The following ZSWIM7 variants were observed in gnomAD, a reference collection of about 807,000 sequenced individuals.
The protein encoded by ZSWIM7 is zinc finger SWIM domain-containing protein 7.
In ZSWIM7, 22 loss-of-function variants were observed where a neutral mutation model predicts 21.1. The ratio of observed to expected loss-of-function variants is 1.04; its 90% CI spans 0.74 to 1.49. The LOEUF is 1.49. Ranked by LOEUF, ZSWIM7 falls within the 40% of genes most tolerant of loss-of-function variation. The pLI, the probability that ZSWIM7 is intolerant of heterozygous loss-of-function variation, is 0.00. For missense variants in ZSWIM7, 193 were observed against 168.0 expected (o/e 1.15, Z -0.82); for synonymous variants, 67 against 66.5 (o/e 1.01, Z -0.04).
At chr17:15,989,990 G>A (rs1970461666) in intron 2 of ZSWIM7, among the ~76,000 whole-genome samples, 1 of 152,104 alleles carries the variant, frequency 6.6e-6, no homozygotes, top group Admixed American at 6.6e-5. Context: ...GGAGGCCGAG[G>A]AAGGTGGCTC....
At chr17:15,982,767 C>T (rs1970370002) in intron 3 of ZSWIM7, among the ~76,000 whole-genome samples, 1 of 152,142 alleles carries the variant, frequency 6.6e-6, no homozygotes. Context: ...CCTCCCACTT[C>T]AGTCTCCTGA....
chr17:15,999,451 C>G (rs1198565926), intron 1 of ZSWIM7, 68 bp downstream of exon 1: 3 of 1,566,052 alleles, frequency 1.9e-6, no homozygotes, highest in East Asian at 2.3e-5. Context: ...TCCTGCCTCC[C>G]GGCCCGGCGG....
chr17:15,978,214 G>A (rs1232732027), intron 4 of ZSWIM7, 51 bp from the exon 5 acceptor site: 2 of 1,406,056 alleles, frequency 1.4e-6, no homozygotes, highest in South Asian at 1.2e-5. Context: ...GCCAGGGCTG[G>A]CCAGTCTAAC....
chr17:15,982,228 A>G (rs1970364332), intron 3 of ZSWIM7, among the ~76,000 whole-genome samples: 1 of 152,182 alleles, frequency 6.6e-6, no homozygotes, highest in African/African-American at 2.4e-5. Context: ...AATTTGCTGG[A>G]GAAATCCTTT....
At chr17:15,993,834 A>G (rs2151630391) in intron 1 of ZSWIM7, 56 bp from the exon 2 acceptor site, 5 of 1,363,006 alleles carry the variant, frequency 3.7e-6, no homozygotes, top group Middle Eastern at 3.7e-4. Flanking sequence ...GACCATTGAC[A>G]TAAAAATCTT....
At chr17:15,990,048 G>A (rs1212625284) in intron 2 of ZSWIM7, among the ~76,000 whole-genome samples, 4 of 152,034 alleles carry the variant, frequency 2.6e-5, no homozygotes, top group East Asian at 3.9e-4. Flanking sequence ...GTGAAACCCC[G>A]TCTCTACTAA....
At chr17:15,978,564 C>CT (rs1970307160) in intron 4 of ZSWIM7, among the ~76,000 whole-genome samples, 1 of 152,196 alleles carries the variant, frequency 6.6e-6, no homozygotes, top group Non-Finnish European at 1.5e-5. Context: ...CGCCACTGCA[C>CT]TACAGCCTGG....
rs1555593277 is a variant in ZSWIM7, at chr17:15,981,478, G to GGA, written c.202-335_202-334insTC. 8.5e-3 allele frequency among the ~76,000 whole-genome samples: 1,262 copies of GGA among 148,538 alleles called. 28 individuals are homozygous for GGA. Among genetic ancestry groups the GGA allele is most frequent in the African/African-American group, 0.029 (1,177 of 40,292 alleles). On this transcript the variant is annotated intron_variant, in intron 3 of 4. Coordinates refer to ENST00000399277, the MANE Select transcript of ZSWIM7 (RefSeq NM_001042697.2). The stretch of plus-strand genomic sequence containing the variant: ...GTAATAAGAAGGAAGTGGGGGGGGG[G>GGA]AATCTCTCATCTACATTTTATTGTG...
At chr17:15,988,132 C>G (rs920916987) in intron 2 of ZSWIM7, among the ~76,000 whole-genome samples, 1 of 151,990 alleles carries the variant, frequency 6.6e-6, no homozygotes, top group Non-Finnish European at 1.5e-5. Context: ...TATGCATATA[C>G]ATATATAGTA....
rs148198359 is a variant in ZSWIM7, at chr17:15,983,890, A to C, written c.202-2746T>G. 5.5e-4 allele frequency among the ~76,000 whole-genome samples: 83 copies of C among 152,116 alleles called. 2 individuals carry two copies. The East Asian group carries it at 0.015, about 27-fold the overall frequency. ...GCATGAACCACCACTCCCGGCCTAT[A>C]ATTCTTGGGTGTCTAAACTATTACC... On this transcript the variant is annotated intron_variant, in intron 3 of 4. Transcript: ENST00000399277.
At position 15,977,447 on chromosome 17, in the gene ZSWIM7, T is replaced by G. The variant is rs1414871986; in HGVS notation, c.*600A>C. ...AGGCGCAGTGGCTCATGCATGTAAT[T>G]CCAGCACTTTGGGAGGTCGAGGCGG... On this transcript the variant is annotated 3_prime_UTR_variant, in exon 5 of 5. Transcript: ENST00000399277. 1 of 152,224 alleles carries G rather than the reference T, an allele frequency of 6.6e-6. No individual in the cohort carries two copies. Among genetic ancestry groups the G allele is most frequent in the African/African-American group, 2.4e-5 (1 of 41,414 alleles). The allele number at this position is 152,224 out of a possible 1,614,324, so 9.4% of individuals were successfully genotyped here. A position where few individuals can be genotyped will look rare whatever the true frequency, so the allele number is the denominator to read the frequency against.
chr17:15,979,788 C>A (rs1181781753), intron 4 of ZSWIM7, among the ~76,000 whole-genome samples: 1 of 116,598 alleles, frequency 8.6e-6, no homozygotes, highest in African/African-American at 3.5e-5. Context: ...GCTGGCCGGG[C>A]GGGGGGCTGA....
chr17:15,985,123 G>A (rs998907754), intron 3 of ZSWIM7, among the ~76,000 whole-genome samples: 4 of 152,106 alleles, frequency 2.6e-5, no homozygotes, highest in Non-Finnish European at 5.9e-5. Flanking sequence ...GGACAACATG[G>A]TGAAACCCCA....
chr17:15,978,947 CTT>C (rs553348841), intron 4 of ZSWIM7, among the ~76,000 whole-genome samples: 47 of 139,214 alleles, frequency 3.4e-4, no homozygotes, highest in African/African-American at 8.9e-4. Context: ...GCTACTCTCT[CTT>C]TTTTTTTTTT....
At chr17:15,993,856 TA>T (rs1446638582) in intron 1 of ZSWIM7, 78 bp from the exon 2 acceptor site, 5 of 1,146,038 alleles carry the variant, frequency 4.4e-6, no homozygotes, top group Non-Finnish European at 6.4e-6. Flanking sequence ...AAAAACACTG[TA>T]ACTAAAAACA....
chr17:15,990,458 G>T (rs1318112067), intron 2 of ZSWIM7, among the ~76,000 whole-genome samples: 1 of 151,874 alleles, frequency 6.6e-6, no homozygotes, highest in African/African-American at 2.4e-5. Context: ...TGATTCTCCT[G>T]CTTTAGCCTC....
intron 4 of ZSWIM7, among the ~76,000 whole-genome samples, chr17:15,979,278 CAT>C (rs949339373): frequency 1.6e-3 from 239 of 151,994 alleles, no homozygotes; most frequent in African/African-American, 5.3e-3. Flanking sequence ...GGACACAGCA[CAT>C]GTTTCAGAGA....
At chr17:15,999,438 G>C (rs1455084224) in intron 1 of ZSWIM7, 81 bp downstream of exon 1, 2 of 1,534,642 alleles carry the variant, frequency 1.3e-6, no homozygotes, top group Non-Finnish European at 1.8e-6. Context: ...CGGACACCCC[G>C]CCTCCTGCCT....
rs756224728 is a variant in ZSWIM7, at chr17:15,981,158, A to G, written c.202-14T>C. ...ACTTCCAAGGACCTACAAAGAAAGG[A>G]TAGATGGGATCAGACCTCAGATGTG... On this transcript the variant is annotated splice_polypyrimidine_tract_variant and intron_variant, in intron 3 of 4. Coordinates refer to ENST00000399277, the MANE Select transcript of ZSWIM7 (RefSeq NM_001042697.2). 6.2e-7 allele frequency: 1 copy of G among 1,603,736 alleles called. No individual in the cohort carries two copies. Among genetic ancestry groups the G allele is most frequent in the Non-Finnish European group, 8.5e-7 (1 of 1,171,026 alleles).
Sources: allele counts gnomAD v4.1 joint callset (sites outside exome capture counted in the v4.1 genomes callset), GRCh38; gene constraint gnomAD v4.1.1; transcripts MANE v1.5; gene names NCBI Gene and HGNC (gene_info 2026-07-23, HGNC 2026-07-21).